The following KRTAP4-2 variants were observed in gnomAD, a reference collection of about 807,000 sequenced individuals.
KRTAP4-2 encodes keratin-associated protein 4-2.
For synonymous variants in KRTAP4-2, 56 were observed against 63.5 expected (o/e 0.88, Z 0.56); for missense variants, 178 against 177.3 (o/e 1.00, Z -0.02).
In KRTAP4-2 at chr17:41,177,940, G is replaced by C. The variant is rs181014838; in HGVS notation, c.225C>G (p.Cys75Trp). 5 of 1,612,656 alleles carry C rather than the reference G, an allele frequency of 3.1e-6. No homozygotes were observed. In the Admixed American group the frequency reaches 6.7e-5, roughly 22 times the overall value. Residue 75 changes from cysteine (C) to tryptophan (W), a missense_variant, in exon 1 of 1, where the codon TGC becomes TGG. Physicochemically the swap from Cys to Trp is radical, Grantham distance 215. Transcript: ENST00000377726. ...CCQTTCCRTT[C>W]CRPSCCVSSC... The stretch of plus-strand genomic sequence containing the variant: ...TGGACACACAGCAGCTGGGACGGCA[G>C]CAGGTGGTCCTGCAGCAAGTGGTCT...
rs2144011844 is a variant in KRTAP4-2, at chr17:41,178,036, G to A, written c.129C>T (p.Ser43=). Residue 43 remains serine (S), a synonymous_variant, in exon 1 of 1, where the codon TCC becomes TCT. Transcript: ENST00000377726. ...TTCCRPSCCV[S]SCCRPQCCQS... Reference sequence around the variant, plus strand: ...GGCAGCACTGCGGTCTGCAGCAGCTGGACACACAGCAGCTGGGGCGGCAGC... The same window carrying A: ...GGCAGCACTGCGGTCTGCAGCAGCTAGACACACAGCAGCTGGGGCGGCAGC... 6.2e-7 allele frequency: 1 copy of A among 1,612,870 alleles called. No individual in the cohort carries two copies. Among genetic ancestry groups the A allele is most frequent in the East Asian group, 2.2e-5 (1 of 44,806 alleles).
chr17:41,177,521 C>A lies in KRTAP4-2; in HGVS notation c.*233G>T. 1.5e-6 allele frequency: 1 copy of A among 653,406 alleles called. No individual in the cohort carries two copies. Among genetic ancestry groups the A allele is most frequent in the Non-Finnish European group, 2.5e-6 (1 of 393,510 alleles). The allele number at this position is 653,406 out of a possible 1,614,324, so 40.5% of individuals were successfully genotyped here. ...CCATGTGATAAATTATGGTAGAGAG[C>A]AAATATTTCAATTCAGGGAACATGG... On this transcript the variant is annotated 3_prime_UTR_variant, in exon 1 of 1. Transcript: ENST00000377726.
In KRTAP4-2 at chr17:41,177,966, G is replaced by A. The variant is rs28457257; in HGVS notation, c.199C>T (p.Gln67Ter). ...QPTCCSPSCC[Q>*]TTCCRTTCCR... ...CAGGTGGTCCTGCAGCAAGTGGTCT[G>A]GCAGCAGCTGGGGCTGCAGCAGGTG... Residue 67 changes from glutamine (Q) to a stop codon, truncating the protein, a stop_gained, in exon 1 of 1, where the codon CAG becomes TAG. Transcript: ENST00000377726. LOFTEE classifies it low-confidence loss of function (END_TRUNC). 7.4e-4 allele frequency: 1,195 copies of A among 1,606,074 alleles called. 9 individuals are homozygous for A. The African/African-American group carries it at 0.014, about 19-fold the overall frequency.
chr17:41,177,936 GGCAGCAGGTGGTCCT>G lies in KRTAP4-2; in HGVS notation c.214_228del (p.Thr73_Arg77del). On this transcript the variant is annotated inframe_deletion, in exon 1 of 1. Transcript: ENST00000377726. ...CAGCTGGACACACAGCAGCTGGGAC[GGCAGCAGGTGGTCCT>G]GCAGCAAGTGGTCTGGCAGCAGCTG... 1.9e-6 allele frequency: 3 copies of G among 1,612,958 alleles called. No homozygotes were observed. The highest frequency in any genetic ancestry group is 2.5e-6 in the Non-Finnish European group (3 of 1,179,750).
In KRTAP4-2 at chr17:41,177,594, G is replaced by T; in HGVS notation, c.*160C>A. 1.8e-6 allele frequency: 2 copies of T among 1,126,452 alleles called. No homozygotes were observed. The highest frequency in any genetic ancestry group is 2.4e-5 in the East Asian group (1 of 41,590). The allele number at this position is 1,126,452 out of a possible 1,614,324, so 69.8% of individuals were successfully genotyped here. A position where few individuals can be genotyped will look rare whatever the true frequency, so the allele number is the denominator to read the frequency against. ...TTCAAACTTGTATTCATTTGGTAGA[G>T]GGTAGCAACATAGTGTTTGGTGAGC... On this transcript the variant is annotated 3_prime_UTR_variant, in exon 1 of 1. Coordinates refer to ENST00000377726, the MANE Select transcript of KRTAP4-2 (RefSeq NM_033062.4).
Position 41,177,550 on chromosome 17 carries a change from T to G in KRTAP4-2, c.*204A>C, listed in dbSNP as rs529421510. 8.0e-6 allele frequency: 6 copies of G among 750,998 alleles called. No homozygotes were observed. The highest frequency in any genetic ancestry group is 1.3e-5 in the Non-Finnish European group (6 of 469,660). The allele number at this position is 750,998 out of a possible 1,614,324, so 46.5% of individuals were successfully genotyped here. A position where few individuals can be genotyped will look rare whatever the true frequency, so the allele number is the denominator to read the frequency against. On this transcript the variant is annotated 3_prime_UTR_variant, in exon 1 of 1. Coordinates refer to ENST00000377726, the MANE Select transcript of KRTAP4-2 (RefSeq NM_033062.4). ...TATTTCAATTCAGGGAACATGGGGTTGACATATTTCAGAGAAAATTCAAAC... is the reference window on the plus strand; with the variant it reads ...TATTTCAATTCAGGGAACATGGGGTGGACATATTTCAGAGAAAATTCAAAC...
In KRTAP4-2 at chr17:41,177,829, C is replaced by A. The variant is rs371900292; in HGVS notation, c.336G>T (p.Arg112Ser). ...AGCAGCTGGGGCGGTAGCAGGTGGT[C>A]CTGCAGCAGGTGGTCTGGCCACAGC... ...RPSCGQTTCC[R>S]TTCYRPSCCV... The change falls in exon 1 of 1, where the codon AGG (arginine) becomes AGT (serine). Residue 112 changes from arginine to serine, a missense_variant. Coordinates refer to ENST00000377726, the MANE Select transcript of KRTAP4-2 (RefSeq NM_033062.4). The A allele has an allele frequency of 5.0e-6, 8 of 1,610,740 alleles. No homozygotes were observed. In the East Asian group the frequency reaches 1.8e-4, roughly 36 times the overall value.
In KRTAP4-2 at chr17:41,177,577, T is replaced by C; in HGVS notation, c.*177A>G. The C allele has an allele frequency of 1.0e-6, 1 of 979,956 alleles. No homozygotes were observed. The highest frequency in any genetic ancestry group is 1.5e-6 in the Non-Finnish European group (1 of 665,810). 60.7% of individuals were successfully genotyped at this position (979,956 alleles called of 1,614,324 possible). The stretch of plus-strand genomic sequence containing the variant: ...ACATATTTCAGAGAAAATTCAAACT[T>C]GTATTCATTTGGTAGAGGGTAGCAA... On this transcript the variant is annotated 3_prime_UTR_variant, in exon 1 of 1. Coordinates refer to ENST00000377726, the MANE Select transcript of KRTAP4-2 (RefSeq NM_033062.4).
In KRTAP4-2 at chr17:41,177,682, C is replaced by G. The variant is rs890201102; in HGVS notation, c.*72G>C. The G allele has an allele frequency of 3.8e-6, 6 of 1,564,156 alleles. No homozygotes were observed. In the African/African-American group the frequency reaches 6.7e-5, roughly 18 times the overall value. On this transcript the variant is annotated 3_prime_UTR_variant, in exon 1 of 1. Transcript: ENST00000377726. Reference sequence around the variant, plus strand: ...AACTGAGGTTGTCCAATTGGCCTTGCATGATTCAGTTCACAGGTGGATCAT... The same window carrying G: ...AACTGAGGTTGTCCAATTGGCCTTGGATGATTCAGTTCACAGGTGGATCAT...
rs1227598473 is a variant in KRTAP4-2, at chr17:41,178,046, C to G, written c.119G>C (p.Cys40Ser). Residue 40 changes from cysteine (C) to serine (S), a missense_variant, in exon 1 of 1, where the codon TGC becomes TCC. Coordinates refer to ENST00000377726, the MANE Select transcript of KRTAP4-2 (RefSeq NM_033062.4). ...CGGTCTGCAGCAGCTGGACACACAG[C>G]AGCTGGGGCGGCAGCAGGTGGTCCT... ...CCRTTCCRPS[C>S]CVSSCCRPQC... 1.2e-6 allele frequency: 2 copies of G among 1,613,262 alleles called. No homozygotes were observed. Among genetic ancestry groups the G allele is most frequent in the Admixed American group, 1.7e-5 (1 of 59,764 alleles).
Position 41,178,103 on chromosome 17 carries a change from C to T in KRTAP4-2, c.62G>A (p.Cys21Tyr). Reference protein sequence around the residue: ...SDQGCGLENCCRPSCCQTTCC... With the variant: ...SDQGCGLENCYRPSCCQTTCC... ...GGTGGTCTGGCAGCAGCTGGGACGG[C>T]AGCAGTTCTCTAGGCCACAGCCCTG... is the stretch of plus-strand genomic sequence containing the variant. The change falls in exon 1 of 1, where the codon TGC (cysteine) becomes TAC (tyrosine). Residue 21 changes from cysteine to tyrosine, a missense_variant. Coordinates refer to ENST00000377726, the MANE Select transcript of KRTAP4-2 (RefSeq NM_033062.4). The T allele has an allele frequency of 2.5e-6, 4 of 1,614,174 alleles. No homozygotes were observed. The highest frequency in any genetic ancestry group is 3.4e-6 in the Non-Finnish European group (4 of 1,180,010).
In KRTAP4-2 at chr17:41,177,588, G is replaced by T; in HGVS notation, c.*166C>A. On this transcript the variant is annotated 3_prime_UTR_variant, in exon 1 of 1. Coordinates refer to ENST00000377726, the MANE Select transcript of KRTAP4-2 (RefSeq NM_033062.4). ...AGAAAATTCAAACTTGTATTCATTT[G>T]GTAGAGGGTAGCAACATAGTGTTTG... The T allele has an allele frequency of 9.4e-7, 1 of 1,065,900 alleles. No individual in the cohort carries two copies. Among genetic ancestry groups the T allele is most frequent in the Non-Finnish European group, 1.4e-6 (1 of 736,538 alleles). The allele number at this position is 1,065,900 out of a possible 1,614,324, so 66.0% of individuals were successfully genotyped here.
In KRTAP4-2 at chr17:41,177,689, C is replaced by T. The variant is rs2015163815; in HGVS notation, c.*65G>A. On this transcript the variant is annotated 3_prime_UTR_variant, in exon 1 of 1. Transcript: ENST00000377726. ...GTTGTCCAATTGGCCTTGCATGATT[C>T]AGTTCACAGGTGGATCATATCAAGA... 6.4e-7 allele frequency: 1 copy of T among 1,568,468 alleles called. No individual in the cohort carries two copies. The highest frequency in any genetic ancestry group is 8.7e-7 in the Non-Finnish European group (1 of 1,155,462).
Position 41,177,578 on chromosome 17 carries a change from G to T in KRTAP4-2, c.*176C>A. ...CATATTTCAGAGAAAATTCAAACTTGTATTCATTTGGTAGAGGGTAGCAAC... is the reference window on the plus strand; with the variant it reads ...CATATTTCAGAGAAAATTCAAACTTTTATTCATTTGGTAGAGGGTAGCAAC... On this transcript the variant is annotated 3_prime_UTR_variant, in exon 1 of 1. Transcript: ENST00000377726. The T allele has an allele frequency of 1.0e-6, 1 of 988,964 alleles. No homozygotes were observed. The highest frequency in any genetic ancestry group is 1.5e-6 in the Non-Finnish European group (1 of 673,082). 61.3% of individuals were successfully genotyped at this position (988,964 alleles called of 1,614,324 possible). A position where few individuals can be genotyped will look rare whatever the true frequency, so the allele number is the denominator to read the frequency against.
chr17:41,177,640 A>G lies in KRTAP4-2; in HGVS notation c.*114T>C, dbSNP rs2015163180. 1 of 1,504,382 alleles carries G rather than the reference A, an allele frequency of 6.6e-7. No homozygotes were observed. Among genetic ancestry groups the G allele is most frequent in the African/African-American group, 1.4e-5 (1 of 72,084 alleles). 93.2% of individuals were successfully genotyped at this position (1,504,382 alleles called of 1,614,324 possible). On this transcript the variant is annotated 3_prime_UTR_variant, in exon 1 of 1. Transcript: ENST00000377726. ...TGAGCATATTTGGAGGCCAAACTCA[A>G]TCCAAGAATTGGTTGGAACTGAGGT...
At position 41,177,518 on chromosome 17, in the gene KRTAP4-2, G is replaced by C; in HGVS notation, c.*236C>G. On this transcript the variant is annotated 3_prime_UTR_variant, in exon 1 of 1. Transcript: ENST00000377726. ...GCTCCATGTGATAAATTATGGTAGA[G>C]AGCAAATATTTCAATTCAGGGAACA... is the stretch of plus-strand genomic sequence containing the variant. The C allele has an allele frequency of 1.5e-6, 1 of 646,656 alleles. No homozygotes were observed. 40.1% of individuals were successfully genotyped at this position (646,656 alleles called of 1,614,324 possible). A position where few individuals can be genotyped will look rare whatever the true frequency, so the allele number is the denominator to read the frequency against.
chr17:41,178,155 A>T lies in KRTAP4-2; in HGVS notation c.10T>A (p.Ser4Thr), dbSNP rs2015177060. 1.2e-6 allele frequency: 2 copies of T among 1,611,184 alleles called. No individual in the cohort carries two copies. Reference sequence around the variant, plus strand: ...TCAGAGCACACAGAGCCACAACAGGAGTTGACCATGGTGTCAGAGGGTGGA... The same window carrying T: ...TCAGAGCACACAGAGCCACAACAGGTGTTGACCATGGTGTCAGAGGGTGGA... MVNSCCGSVCSDQG... is the reference protein window; with the variant it reads MVNTCCGSVCSDQG... The change falls in exon 1 of 1, where the codon TCC (serine) becomes ACC (threonine). Residue 4 changes from serine to threonine, a missense_variant. Ser to Thr is a moderately conservative substitution (Grantham distance 58). Transcript: ENST00000377726.
At position 41,177,902 on chromosome 17, in the gene KRTAP4-2, G is replaced by A; in HGVS notation, c.263C>T (p.Pro88Leu). 6.3e-7 allele frequency: 1 copy of A among 1,584,200 alleles called. No homozygotes were observed. Among genetic ancestry groups the A allele is most frequent in the East Asian group, 2.4e-5 (1 of 42,534 alleles). ...PSCCVSSCFR[P>L]QCCQSVYCQP... ...GCAGTACACAGACTGGCAGCACTGG[G>A]GTCTGAAGCAGCTGGACACACAGCA... The change falls in exon 1 of 1, where the codon CCC (proline) becomes CTC (leucine). Residue 88 changes from proline to leucine, a missense_variant. Physicochemically the swap from Pro to Leu is moderately conservative, Grantham distance 98. Transcript: ENST00000377726.
In KRTAP4-2 at chr17:41,177,815, C is replaced by T. The variant is rs781168054; in HGVS notation, c.350G>A (p.Arg117His). The T allele has an allele frequency of 2.3e-5, 37 of 1,611,908 alleles. No individual in the cohort carries two copies. Among genetic ancestry groups the T allele is most frequent in the African/African-American group, 6.7e-5 (5 of 74,750 alleles). Reference sequence around the variant, plus strand: ...GCAGGTGGACACACAGCAGCTGGGGCGGTAGCAGGTGGTCCTGCAGCAGGT... The same window carrying T: ...GCAGGTGGACACACAGCAGCTGGGGTGGTAGCAGGTGGTCCTGCAGCAGGT... ...QTTCCRTTCY[R>H]PSCCVSTCCR... is the part of the protein sequence containing the mutation. Residue 117 changes from arginine (R) to histidine (H), a missense_variant, in exon 1 of 1, where the codon CGC becomes CAC. Coordinates refer to ENST00000377726, the MANE Select transcript of KRTAP4-2 (RefSeq NM_033062.4).
Sources: allele counts gnomAD v4.1 joint callset, GRCh38; gene constraint gnomAD v4.1.1; transcripts MANE v1.5; gene names NCBI Gene and HGNC (gene_info 2026-07-23, HGNC 2026-07-21).